ATP9B: variants seen among roughly 807,000 people sequenced by gnomAD.
The protein encoded by ATP9B is probable phospholipid-transporting ATPase IIB.
In ATP9B, 110 loss-of-function variants were observed where a neutral mutation model predicts 146.1. That is an observed-to-expected ratio of 0.75 (90% CI 0.65 to 0.88). ATP9B has a LOEUF of 0.88. Among genes scored for constraint, ATP9B ranks in the 40% least tolerant of loss-of-function variants. The pLI, the probability that ATP9B is intolerant of heterozygous loss-of-function variation, is 0.00. For missense variants in ATP9B, 1,499 were observed against 1,496.4 expected (o/e 1.00, Z -0.03); for synonymous variants, 604 against 569.7 (o/e 1.06, Z -0.86).
intron 12 of ATP9B, among the ~76,000 whole-genome samples, chr18:79,263,991 A>G (rs926685000): frequency 1.4e-4 from 21 of 152,170 alleles, no homozygotes; most frequent in Admixed American, 9.8e-4. Flanking sequence ...AGGCTGAGGC[A>G]GGAGAATGGC....
chr18:79,207,427 C>T (rs745730402), intron 10 of ATP9B, among the ~76,000 whole-genome samples: 2 of 152,092 alleles, frequency 1.3e-5, no homozygotes, highest in Non-Finnish European at 2.9e-5. Context: ...GACTGTGGAA[C>T]GGAAAAGTAT....
At chr18:79,235,636 G>A (rs1052172667) in intron 11 of ATP9B, among the ~76,000 whole-genome samples, 6 of 139,500 alleles carry the variant, frequency 4.3e-5, no homozygotes, top group African/African-American at 8.1e-5. Context: ...CTCATGGTGC[G>A]TCACACTTGT....
intron 19 of ATP9B, chr18:79,340,326 C>G (rs2096851563): frequency 6.6e-6 from 1 of 152,214 alleles, no homozygotes; most frequent in African/African-American, 2.4e-5. Flanking sequence ...AGATGTTCCT[C>G]TGAAACTCGA....
chr18:79,073,074 C>T (rs527590760), intron 1 of ATP9B, among the ~76,000 whole-genome samples: 41 of 144,538 alleles, frequency 2.8e-4, no homozygotes, highest in African/African-American at 6.2e-4. Context: ...GATGATGGGC[C>T]GCCAGGCGGA....
chr18:79,368,252 G>T (rs1272066453), intron 26 of ATP9B, among the ~76,000 whole-genome samples: 1 of 152,262 alleles, frequency 6.6e-6, no homozygotes, highest in East Asian at 1.9e-4. Context: ...TAGATGAACA[G>T]AATTGGGCAT....
chr18:79,265,269 T>C (rs900553522), intron 12 of ATP9B, among the ~76,000 whole-genome samples: 2 of 152,220 alleles, frequency 1.3e-5, no homozygotes. Context: ...TTTTTATGGC[T>C]GTATAGTATT....
rs1382442669 is a variant in ATP9B at position 79,138,869 on chromosome 18, G to A, written c.668-4933G>A. 2.7e-5 allele frequency among the ~76,000 whole-genome samples: 4 copies of A among 150,438 alleles called. No homozygotes were observed. The East Asian group carries it at 7.8e-4, about 29-fold the overall frequency. On this transcript the variant is annotated intron_variant, in intron 5 of 29. Coordinates refer to ENST00000426216, the MANE Select transcript of ATP9B (RefSeq NM_198531.5). ...GGATTGCTTGAGCTCAGGAGTTTGA[G>A]ACCAGTCTGGGAACACGGTGAAATC...
chr18:79,376,591 T>G (rs1014190740), intron 29 of ATP9B, among the ~76,000 whole-genome samples: 5 of 152,090 alleles, frequency 3.3e-5, no homozygotes, highest in African/African-American at 1.2e-4. Flanking sequence ...GGTTTCCCCA[T>G]GTTGGCCAGG....
chr18:79,069,478 C>A lies in ATP9B; in HGVS notation c.68C>A (p.Ala23Glu). The A allele has an allele frequency of 6.7e-7, 1 of 1,495,116 alleles. No individual in the cohort carries two copies. The highest frequency in any genetic ancestry group is 8.9e-7 in the Non-Finnish European group (1 of 1,124,036). The allele number at this position is 1,495,116 out of a possible 1,614,324, so 92.6% of individuals were successfully genotyped here. A position where few individuals can be genotyped will look rare whatever the true frequency, so the allele number is the denominator to read the frequency against. The change falls in exon 1 of 30, where the codon GCG (alanine) becomes GAG (glutamate). Residue 23 changes from alanine (A) to glutamate (E), a missense_variant. Transcript: ENST00000426216. Reference protein sequence around the residue: ...AAAAAANRKRAAYYSAAGPRP... With the variant: ...AAAAAANRKREAYYSAAGPRP... The stretch of plus-strand genomic sequence containing the variant: ...GCGGCCGCAGCCAACCGCAAACGCG[C>A]GGCCTACTACAGCGCCGCGGGGCCC...
At chr18:79,346,727 C>G (rs990977669) in intron 23 of ATP9B, among the ~76,000 whole-genome samples, 15 of 152,218 alleles carry the variant, frequency 9.9e-5, no homozygotes, top group Non-Finnish European at 2.9e-5. Context: ...TCAGTGCATG[C>G]CTGGTCATTT....
chr18:79,183,069 A>G (rs1444446091), intron 8 of ATP9B, among the ~76,000 whole-genome samples: 1 of 152,220 alleles, frequency 6.6e-6, no homozygotes. Context: ...CCCTAGCCAC[A>G]TTCTTGCATG....
intron 4 of ATP9B, among the ~76,000 whole-genome samples, chr18:79,122,449 T>C (rs1456682639): frequency 6.6e-6 from 1 of 152,222 alleles, no homozygotes; most frequent in Admixed American, 6.5e-5. Flanking sequence ...CACCCAAGAC[T>C]ACTACTAAAA....
chr18:79,283,410 G>A (rs577917877), intron 13 of ATP9B, among the ~76,000 whole-genome samples: 1 of 152,200 alleles, frequency 6.6e-6, no homozygotes, highest in Non-Finnish European at 1.5e-5. Flanking sequence ...TAATTGGAAG[G>A]TGGTCCTTCG....
At chr18:79,370,370 A>G (rs1360529032) in intron 26 of ATP9B, among the ~76,000 whole-genome samples, 1 of 152,208 alleles carries the variant, frequency 6.6e-6, no homozygotes, top group Non-Finnish European at 1.5e-5. Context: ...AACGCAGAAG[A>G]AAGGCGTGTG....
intron 1 of ATP9B, among the ~76,000 whole-genome samples, chr18:79,072,965 C>G (rs147670682): frequency 0.13 from 20,048 of 151,678 alleles, 1,901 homozygotes; most frequent in African/African-American, 0.27. Flanking sequence ...GGCGGCCGGG[C>G]AGAGACGCTC....
intron 11 of ATP9B, among the ~76,000 whole-genome samples, chr18:79,223,637 T>C (rs1206429146): frequency 6.6e-6 from 1 of 152,218 alleles, no homozygotes; most frequent in Non-Finnish European, 1.5e-5. Context: ...GACATAATTC[T>C]GTAGCTTCTA....
intron 1 of ATP9B, among the ~76,000 whole-genome samples, chr18:79,071,399 C>CTCTTTTTT (rs2071773395): frequency 1.4e-5 from 1 of 69,268 alleles, no homozygotes; most frequent in Non-Finnish European, 2.8e-5. Flanking sequence ...ATTGTTCTTC[C>CTCTTTTTT]TTTTTTTTTT....
chr18:79,206,739 A>G (rs933209080), intron 9 of ATP9B, among the ~76,000 whole-genome samples, 198 bp from the exon 10 acceptor site: 1 of 152,246 alleles, frequency 6.6e-6, no homozygotes, highest in African/African-American at 2.4e-5. Context: ...CAAGCAATTA[A>G]TTGATTACAG....
chr18:79,157,396 CAAAAAAAAAAAAAAA>C (rs147316668), intron 7 of ATP9B, among the ~76,000 whole-genome samples: 9 of 48,596 alleles, frequency 1.9e-4, no homozygotes, highest in African/African-American at 8.0e-4. Flanking sequence ...AACTCCATCT[CAAAAAAAAAAAAAAA>C]AAAAAAAAAA....
Sources: gnomAD v4.1 joint callset for allele counts (sites outside exome capture counted in the v4.1 genomes callset) on GRCh38, gnomAD v4.1.1 for gene constraint, MANE v1.5 for transcripts, NCBI Gene and HGNC (gene_info 2026-07-23, HGNC 2026-07-21) for gene names.